The following FGF12 variants were observed in gnomAD, a reference collection of about 807,000 sequenced individuals.
FGF12 encodes the protein fibroblast growth factor 12B.
In FGF12, 14 loss-of-function variants were observed where a neutral mutation model predicts 23.6. The observed-to-expected ratio is 0.59, with a 90% CI of 0.39 to 0.93. FGF12 has a LOEUF of 0.93. Ranked by LOEUF, FGF12 falls within the 40% of genes least tolerant of loss-of-function variation. The pLI is 0.00. For missense variants in FGF12, 175 were observed against 217.8 expected, an observed-to-expected ratio of 0.80 and a Z score of 1.24; for synonymous variants, 62 against 77.3, an observed-to-expected ratio of 0.80 and a Z score of 1.04.
At position 192,586,132 on chromosome 3, in the gene FGF12, T is replaced by C. The variant is rs189374679; in HGVS notation, c.13+141049A>G. On this transcript the variant is annotated intron_variant, in intron 2 of 5. Coordinates refer to ENST00000445105, the MANE Select transcript of FGF12 (RefSeq NM_004113.6). ...AACTGAATAAAAAGGTATGAGTCTT[T>C]GCTTCTTGTGCACTTGTGATTTTTC... Among the ~76,000 whole-genome samples the C allele has an allele frequency of 7.2e-5, 11 of 152,310 alleles. No homozygotes were observed. The East Asian group carries it at 2.1e-3, about 29-fold the overall frequency.
chr3:192,660,163 T>C (rs1188530829), intron 2 of FGF12, among the ~76,000 whole-genome samples: 3 of 150,932 alleles, frequency 2.0e-5, no homozygotes, highest in Non-Finnish European at 3.0e-5. Context: ...ATATACACCA[T>C]GGAATACTAT....
chr3:192,535,698 T>C (rs1272610951), intron 2 of FGF12, among the ~76,000 whole-genome samples: 1 of 152,152 alleles, frequency 6.6e-6, no homozygotes, highest in Non-Finnish European at 1.5e-5. Context: ...CACTGAAAAT[T>C]TGCATACAAC....
intron 2 of FGF12, among the ~76,000 whole-genome samples, chr3:192,583,637 T>A (rs1369697037): frequency 6.6e-6 from 1 of 152,180 alleles, no homozygotes; most frequent in East Asian, 1.9e-4. Context: ...CCCCCTGACT[T>A]CATCCTACCT....
intron 2 of FGF12, among the ~76,000 whole-genome samples, chr3:192,694,586 C>T (rs1394929131): frequency 3.3e-5 from 5 of 151,458 alleles, no homozygotes; most frequent in East Asian, 3.9e-4. Context: ...TATACATATA[C>T]GTACATATAT....
At chr3:192,717,500 G>T (rs1718901524) in intron 2 of FGF12, among the ~76,000 whole-genome samples, 5 of 152,120 alleles carry the variant, frequency 3.3e-5, no homozygotes, top group Admixed American at 3.3e-4. Flanking sequence ...AAGCATGAAA[G>T]CATGAAGAAT....
chr3:192,542,291 A>G (rs1262978974), intron 2 of FGF12, among the ~76,000 whole-genome samples: 1 of 152,128 alleles, frequency 6.6e-6, no homozygotes, highest in East Asian at 1.9e-4. Context: ...ACTCTGATGC[A>G]TTCTTCAGTA....
At chr3:192,602,352 T>C (rs543023262) in intron 2 of FGF12, among the ~76,000 whole-genome samples, 1 of 152,194 alleles carries the variant, frequency 6.6e-6, no homozygotes, top group South Asian at 2.1e-4. Flanking sequence ...GGGTCATGGG[T>C]AAGGTGAGGG....
intron 2 of FGF12, among the ~76,000 whole-genome samples, chr3:192,573,928 T>C (rs1225925859): frequency 6.6e-6 from 1 of 152,232 alleles, no homozygotes; most frequent in Non-Finnish European, 1.5e-5. Flanking sequence ...AGTTCAATAA[T>C]AGGTTTAACC....
At chr3:192,613,402 C>T (rs568848219) in intron 2 of FGF12, among the ~76,000 whole-genome samples, 7 of 151,838 alleles carry the variant, frequency 4.6e-5, no homozygotes, top group South Asian at 2.1e-4. Flanking sequence ...TGGAACAGTA[C>T]GATGAGAAAG....
At chr3:192,326,378 T>G (rs547748333) in intron 4 of FGF12, among the ~76,000 whole-genome samples, 1 of 152,290 alleles carries the variant, frequency 6.6e-6, no homozygotes, top group Non-Finnish European at 1.5e-5. Flanking sequence ...AACAACCACT[T>G]TCTCCCATCA....
intron 4 of FGF12, among the ~76,000 whole-genome samples, chr3:192,242,289 A>G (rs576519944): frequency 1.3e-5 from 2 of 152,338 alleles, no homozygotes; most frequent in South Asian, 4.1e-4. Flanking sequence ...CTTAAGGAAG[A>G]TAATTTTTGT....
Position 192,666,917 on chromosome 3 carries a change from T to TGATAGATAGATA in FGF12, c.13+60252_13+60263dup, listed in dbSNP as rs56278131. 7.7e-3 allele frequency among the ~76,000 whole-genome samples: 1,137 copies of TGATAGATAGATA among 147,616 alleles called. 1 individual carries two copies. The highest frequency in any genetic ancestry group is 0.012 in the East Asian group (62 of 4,978). On this transcript the variant is annotated intron_variant, in intron 2 of 5. Transcript: ENST00000445105. ...ATGGATGGATAGTTGGATAGATAGA[T>TGATAGATAGATA]GATAGATAGATAGATAGATAGATAG...
intron 4 of FGF12, among the ~76,000 whole-genome samples, chr3:192,209,542 T>A (rs1717825359): frequency 6.6e-6 from 1 of 152,208 alleles, no homozygotes; most frequent in Admixed American, 6.5e-5. Flanking sequence ...ACATAAATTA[T>A]CAGGATAAAC....
At chr3:192,276,553 C>A (rs754545465) in intron 4 of FGF12, among the ~76,000 whole-genome samples, 4 of 152,020 alleles carry the variant, frequency 2.6e-5, no homozygotes, top group Non-Finnish European at 5.9e-5. Flanking sequence ...GAAAACAATA[C>A]CCCCAACTGA....
chr3:192,418,183 T>C (rs1721412357), intron 2 of FGF12, among the ~76,000 whole-genome samples: 1 of 152,154 alleles, frequency 6.6e-6, no homozygotes, highest in Non-Finnish European at 1.5e-5. Context: ...CTTATGTTAA[T>C]GTTCCTATTC....
intron 2 of FGF12, among the ~76,000 whole-genome samples, chr3:192,712,108 C>A: frequency 6.6e-6 from 1 of 150,982 alleles, no homozygotes; most frequent in Non-Finnish European, 1.5e-5. Flanking sequence ...TTAAAGAAAA[C>A]ATCTAAGAAA....
At chr3:192,663,636 G>T (rs1298949226) in intron 2 of FGF12, among the ~76,000 whole-genome samples, 1 of 152,136 alleles carries the variant, frequency 6.6e-6, no homozygotes, top group Non-Finnish European at 1.5e-5. Flanking sequence ...TCACTTAAAA[G>T]TCAAATTATT....
At chr3:192,314,935 TAATTATAC>T (rs1286832689) in intron 4 of FGF12, among the ~76,000 whole-genome samples, 1 of 152,168 alleles carries the variant, frequency 6.6e-6, no homozygotes, top group African/African-American at 2.4e-5. Flanking sequence ...GTGCCACCAA[TAATTATAC>T]TAAGATACTA....
At chr3:192,667,148 AT>A (rs1007101790) in intron 2 of FGF12, among the ~76,000 whole-genome samples, 1 of 152,164 alleles carries the variant, frequency 6.6e-6, no homozygotes, top group Non-Finnish European at 1.5e-5. Context: ...TCAGATAACA[AT>A]TTTTTGAGAA....
Sources: allele counts gnomAD v4.1 joint callset (sites outside exome capture counted in the v4.1 genomes callset), GRCh38; gene constraint gnomAD v4.1.1; transcripts MANE v1.5; gene names NCBI Gene and HGNC (gene_info 2026-07-23, HGNC 2026-07-21).